Variants in SMIM43 observed in about 807,000 individuals in gnomAD.
SMIM43 encodes small integral membrane protein 43, also known as Nodal Enhanced MEsendoderm Peptide.
At chr4:121,763,481 C>G (rs893511168) in intron 2 of SMIM43, among the ~76,000 whole-genome samples, 29 of 152,300 alleles carry the variant, frequency 1.9e-4, no homozygotes, top group African/African-American at 6.3e-4. Context: ...AACCCCCGCA[C>G]TGTTTTTCAA....
Position 121,759,787 on chromosome 4 carries a change from A to T in SMIM43, c.*1187T>A, listed in dbSNP as rs1432312842. 1 of 152,276 alleles carries T rather than the reference A, an allele frequency of 6.6e-6. No individual in the cohort carries two copies. Among genetic ancestry groups the T allele is most frequent in the East Asian group, 1.9e-4 (1 of 5,208 alleles). 9.4% of individuals were successfully genotyped at this position (152,276 alleles called of 1,614,324 possible). ...CGTAGATTCCCCTCCTCCATGCATG[A>T]AAGCGATGGTCTTTCTATAGGAATC... On this transcript the variant is annotated 3_prime_UTR_variant, in exon 6 of 6. Coordinates refer to ENST00000643802, the MANE Select transcript of SMIM43 (RefSeq NM_001384332.1).
chr4:121,761,404 G>T, intron 5 of SMIM43, 134 bp downstream of exon 5: 2 of 769,384 alleles, frequency 2.6e-6, no homozygotes, highest in Non-Finnish European at 4.1e-6. Flanking sequence ...ATTCTAAATG[G>T]TTTAACCATT....
upstream of SMIM43, chr4:121,765,259 C>G: frequency 2.7e-6 from 1 of 377,298 alleles, no homozygotes; most frequent in Non-Finnish European, 4.7e-6. Flanking sequence ...CTTTGCCTCC[C>G]CCGGCTCCGA....
intron 3 of SMIM43, 73 bp from the exon 4 acceptor site, chr4:121,761,965 C>T (rs916188743): frequency 9.8e-5 from 124 of 1,267,266 alleles, no homozygotes; most frequent in Non-Finnish European, 1.3e-4. Context: ...AGAATTATGG[C>T]TCATTTCCTT....
At chr4:121,764,141 T>C (rs1456012111) in intron 1 of SMIM43, 1 of 152,354 alleles carries the variant, frequency 6.6e-6, no homozygotes, top group African/African-American at 2.4e-5. Flanking sequence ...CGGCCAACCC[T>C]AAGGCATCTT....
upstream of SMIM43, chr4:121,765,355 G>A (rs1433869084): frequency 3.3e-6 from 1 of 307,556 alleles, no homozygotes; most frequent in Non-Finnish European, 5.9e-6. Flanking sequence ...ATCCTCTCAG[G>A]TGCTCTTGAG....
intron 5 of SMIM43, among the ~76,000 whole-genome samples, chr4:121,760,677 A>T (rs148941892): frequency 6.6e-6 from 1 of 152,290 alleles, no homozygotes; most frequent in Admixed American, 6.5e-5. Context: ...TTGATTCCCA[A>T]TAGGAAAGTG....
Position 121,765,000 on chromosome 4 carries a change from C to T in SMIM43, c.106G>A (p.Val36Met). Residue 36 changes from valine (V) to methionine (M), a missense_variant, in exon 1 of 6, where the codon GTG becomes ATG. Val to Met is a conservative substitution (Grantham distance 21). Coordinates refer to ENST00000643802, the MANE Select transcript of SMIM43 (RefSeq NM_001384332.1). ...FVVIKQLKNS[V>M]ANTAGALQPG... ...TGGAGCGCCCCGGCCGTGTTGGCCACGGAGTTCTTCAGCTGCTTGATGACC... is the reference window on the plus strand; with the variant it reads ...TGGAGCGCCCCGGCCGTGTTGGCCATGGAGTTCTTCAGCTGCTTGATGACC... 2.5e-6 allele frequency: 1 copy of T among 398,636 alleles called. No homozygotes were observed. The highest frequency in any genetic ancestry group is 2.1e-5 in the African/African-American group (1 of 48,722). The allele number at this position is 398,636 out of a possible 1,614,324, so 24.7% of individuals were successfully genotyped here.
chr4:121,760,427 G>A lies in SMIM43; in HGVS notation c.*547C>T. ...AACTGGCATGCCCCGTTTTCTCTGTGGGCTTCCTCCTTCTTCTTGTGGGGT... is the reference window on the plus strand; with the variant it reads ...AACTGGCATGCCCCGTTTTCTCTGTAGGCTTCCTCCTTCTTCTTGTGGGGT... On this transcript the variant is annotated 3_prime_UTR_variant, in exon 6 of 6. Transcript: ENST00000643802. The A allele has an allele frequency of 2.6e-6, 4 of 1,560,200 alleles. No individual in the cohort carries two copies. The highest frequency in any genetic ancestry group is 3.5e-6 in the Non-Finnish European group (4 of 1,151,248).
At chr4:121,764,443 C>T (rs1384252792) in intron 1 of SMIM43, 1 of 153,328 alleles carries the variant, frequency 6.5e-6, no homozygotes, top group Non-Finnish European at 1.5e-5. Context: ...GTCCCAAAGC[C>T]CACACAGTCT....
In SMIM43 at chr4:121,759,417, G is replaced by A. The variant is rs1034507540; in HGVS notation, c.*1557C>T. Reference sequence around the variant, plus strand: ...CACAAGAAAGAGAATAAAGTATACCGTGCTATCTAACACAATAGCTAGTAG... The same window carrying A: ...CACAAGAAAGAGAATAAAGTATACCATGCTATCTAACACAATAGCTAGTAG... On this transcript the variant is annotated 3_prime_UTR_variant, in exon 6 of 6. Transcript: ENST00000643802. 4 of 152,132 alleles carry A rather than the reference G, an allele frequency of 2.6e-5. No homozygotes were observed. The highest frequency in any genetic ancestry group is 4.8e-5 in the African/African-American group (2 of 41,446). The allele number at this position is 152,132 out of a possible 1,614,324, so 9.4% of individuals were successfully genotyped here. A position where few individuals can be genotyped will look rare whatever the true frequency, so the allele number is the denominator to read the frequency against.
chr4:121,763,703 G>C (rs983981334), intron 2 of SMIM43, 61 bp downstream of exon 2: 2 of 152,076 alleles, frequency 1.3e-5, no homozygotes, highest in Non-Finnish European at 2.9e-5. Context: ...TTAGGCCCTG[G>C]ATCTTTAGAA....
chr4:121,760,544 C>T, intron 5 of SMIM43, 70 bp from the exon 6 acceptor site: 2 of 1,446,682 alleles, frequency 1.4e-6, no homozygotes, highest in South Asian at 1.5e-5. Context: ...GCTGCTGAAC[C>T]AGCACCAGCA....
intron 5 of SMIM43, 115 bp downstream of exon 5, chr4:121,761,421 CTT>C (rs1379054550): frequency 3.1e-5 from 30 of 954,036 alleles, no homozygotes; most frequent in Non-Finnish European, 4.5e-5. Context: ...CATTTACAAA[CTT>C]TAAAATTTTG....
rs1726280354 is a variant in SMIM43, at chr4:121,765,052, G to A, written c.54C>T (p.Leu18=). ...CGAAGAGCAGGAGGAAAAGTAAGAAGAGCAGGAAGAAGAAGAGCGCCAGGT... is the reference window on the plus strand; with the variant it reads ...CGAAGAGCAGGAGGAAAAGTAAGAAAAGCAGGAAGAAGAAGAGCGCCAGGT... The part of the protein sequence containing the change: ...LLYLALFFFL[L]FLLFLLLFVV... The change falls in exon 1 of 6, where the codon CTC becomes CTT. Residue 18 remains leucine, a synonymous_variant. Transcript: ENST00000643802. The A allele has an allele frequency of 2.5e-6, 1 of 398,482 alleles. No individual in the cohort carries two copies. The highest frequency in any genetic ancestry group is 4.4e-6 in the Non-Finnish European group (1 of 225,674). The allele number at this position is 398,482 out of a possible 1,614,324, so 24.7% of individuals were successfully genotyped here.
chr4:121,761,757 G>T, intron 4 of SMIM43, 62 bp from the exon 5 acceptor site: 2 of 1,610,226 alleles, frequency 1.2e-6, no homozygotes, highest in Non-Finnish European at 1.7e-6. Flanking sequence ...TTGCAGGTGT[G>T]AGTGTGATGT....
chr4:121,759,571 A>G lies in SMIM43; in HGVS notation c.*1403T>C, dbSNP rs887630398. 2.0e-5 allele frequency: 3 copies of G among 152,266 alleles called. No individual in the cohort carries two copies. Among genetic ancestry groups the G allele is most frequent in the African/African-American group, 7.2e-5 (3 of 41,468 alleles). The allele number at this position is 152,266 out of a possible 1,614,324, so 9.4% of individuals were successfully genotyped here. A position where few individuals can be genotyped will look rare whatever the true frequency, so the allele number is the denominator to read the frequency against. On this transcript the variant is annotated 3_prime_UTR_variant, in exon 6 of 6. Coordinates refer to ENST00000643802, the MANE Select transcript of SMIM43 (RefSeq NM_001384332.1). Reference sequence around the variant, plus strand: ...TGCCTATATGGTTACCATATTGGACACTGCAGATATAGAACATTTCTGTCA... The same window carrying G: ...TGCCTATATGGTTACCATATTGGACGCTGCAGATATAGAACATTTCTGTCA...
rs1227933641 is a variant in SMIM43 at position 121,760,455 on chromosome 4, T to C, written c.*519A>G. On this transcript the variant is annotated 3_prime_UTR_variant, in exon 6 of 6. Coordinates refer to ENST00000643802, the MANE Select transcript of SMIM43 (RefSeq NM_001384332.1). ...CTTCCTCCTTCTTCTTGTGGGGTGC[T>C]GCGGGGACCATCTTGGAACCTGGAG... 2 of 1,548,640 alleles carry C rather than the reference T, an allele frequency of 1.3e-6. No homozygotes were observed. Among genetic ancestry groups the C allele is most frequent in the Non-Finnish European group, 8.7e-7 (1 of 1,146,412 alleles).
rs955976751 is a variant in SMIM43, at chr4:121,765,102, C to T, written c.4G>A (p.Glu2Lys). ...TAGAGCAGCAAGTTGAGTTCCCACT[C>T]CATGCTGGAGGCGCCGGCGCTCGCT... M[E>K]WELNLLLYLA... Residue 2 changes from glutamate (E) to lysine (K), a missense_variant, in exon 1 of 6, where the codon GAG becomes AAG. Transcript: ENST00000643802. 11 of 397,546 alleles carry T rather than the reference C, an allele frequency of 2.8e-5. No homozygotes were observed. Among genetic ancestry groups the T allele is most frequent in the Admixed American group, 2.6e-4 (6 of 22,672 alleles). The allele number at this position is 397,546 out of a possible 1,614,324, so 24.6% of individuals were successfully genotyped here.
Sources: gnomAD v4.1 joint callset for allele counts (sites outside exome capture counted in the v4.1 genomes callset) on GRCh38, gnomAD v4.1.1 for gene constraint, MANE v1.5 for transcripts, NCBI Gene and HGNC (gene_info 2026-07-23, HGNC 2026-07-21) for gene names.